Variants in PRKN observed in about 807,000 individuals in gnomAD.
PRKN encodes E3 ubiquitin-protein ligase parkin.
A neutral mutation model predicts 59.5 loss-of-function variants in PRKN; 56 were observed. The observed-to-expected ratio is 0.94, with a 90% CI of 0.76 to 1.18. PRKN has a LOEUF of 1.18. PRKN is among the 50% of genes most tolerant of loss of function. The pLI is 0.00. For synonymous variants in PRKN, 250 were observed against 222.1 expected (o/e 1.13, Z -1.12); for missense variants, 657 against 596.4 (o/e 1.10, Z -1.06).
intron 2 of PRKN, among the ~76,000 whole-genome samples, chr6:162,366,116 T>G (rs1785424801): frequency 1.3e-5 from 2 of 152,210 alleles, no homozygotes; most frequent in Admixed American, 1.3e-4. Context: ...GCAACGGCCC[T>G]TTTCCCACAA....
At chr6:161,882,863 G>A (rs2128229974) in intron 6 of PRKN, among the ~76,000 whole-genome samples, 1 of 151,862 alleles carries the variant, frequency 6.6e-6, no homozygotes, top group Non-Finnish European at 1.5e-5. Flanking sequence ...AAATTAGCTG[G>A]GTGTGGTGGC....
At chr6:162,041,590 T>C (rs1784070305) in intron 5 of PRKN, among the ~76,000 whole-genome samples, 6 of 152,240 alleles carry the variant, frequency 3.9e-5, no homozygotes, top group Admixed American at 3.9e-4. Context: ...TGCTTTGTTT[T>C]TTGAGGTCCA....
At chr6:162,207,358 C>T (rs551320155) in intron 3 of PRKN, among the ~76,000 whole-genome samples, 34 of 152,028 alleles carry the variant, frequency 2.2e-4, no homozygotes, top group Admixed American at 1.7e-3. Flanking sequence ...GGTGACAGAG[C>T]GAGACTCTGT....
intron 4 of PRKN, among the ~76,000 whole-genome samples, chr6:162,149,123 C>A (rs955791238): frequency 6.6e-5 from 10 of 152,152 alleles, no homozygotes; most frequent in African/African-American, 2.4e-4. Flanking sequence ...TAGGACAATT[C>A]ATTGTTACTT....
chr6:162,183,570 T>C (rs1783892033), intron 4 of PRKN, among the ~76,000 whole-genome samples: 1 of 152,138 alleles, frequency 6.6e-6, no homozygotes, highest in Admixed American at 6.5e-5. Flanking sequence ...ATCAAAGATT[T>C]GTGGTTCCAA....
At chr6:161,662,952 T>G (rs1354585130) in intron 7 of PRKN, among the ~76,000 whole-genome samples, 1 of 152,212 alleles carries the variant, frequency 6.6e-6, no homozygotes, top group African/African-American at 2.4e-5. Context: ...CCACATGTCG[T>G]GGAAGAAATC....
rs1388814964 is a variant in PRKN at position 161,407,705 on chromosome 6, C to A, written c.1084-20828G>T. ...GCAGGAGCCAAGAAGTCTGAAGCAG[C>A]CAAAGAAAAACCACAAAAGAAGTGA... On this transcript the variant is annotated intron_variant, in intron 9 of 11. Transcript: ENST00000366898. The surrounding 1 kb of genome is among the most constrained non-coding windows in gnomAD (Gnocchi z 4.9). Among the ~76,000 whole-genome samples the A allele has an allele frequency of 6.6e-6, 1 of 152,190 alleles. No homozygotes were observed. Among genetic ancestry groups the A allele is most frequent in the Non-Finnish European group, 1.5e-5 (1 of 68,010 alleles).
chr6:161,928,386 A>G (rs1779044257), intron 6 of PRKN, among the ~76,000 whole-genome samples: 1 of 152,222 alleles, frequency 6.6e-6, no homozygotes, highest in Non-Finnish European at 1.5e-5. Context: ...TGAAAGACAA[A>G]TCATACTCGA....
chr6:162,155,797 T>C (rs372211938), intron 4 of PRKN, among the ~76,000 whole-genome samples: 1 of 29,930 alleles, frequency 3.3e-5, no homozygotes, highest in African/African-American at 6.1e-5. Context: ...AAACTTTCAG[T>C]TAAGAAAAAA....
chr6:161,570,836 T>C (rs1045804037), intron 7 of PRKN, among the ~76,000 whole-genome samples: 2 of 152,204 alleles, frequency 1.3e-5, no homozygotes, highest in Non-Finnish European at 2.9e-5. Context: ...GGCCCAAATG[T>C]ATAGATATGT....
rs547022146 is a variant in PRKN at position 162,583,313 on chromosome 6, G to A, written c.8-139840C>T. On this transcript the variant is annotated intron_variant, in intron 1 of 11. Transcript: ENST00000366898. The stretch of plus-strand genomic sequence containing the variant: ...TGCACTAAGACAATGACCATTCTAT[G>A]TGGCAAAGGCTAGAAAGAGGTATAG... Among the ~76,000 whole-genome samples, 4 of 152,348 alleles carry A rather than the reference G, an allele frequency of 2.6e-5. No individual in the cohort carries two copies. The East Asian group carries it at 5.8e-4, about 22-fold the overall frequency.
chr6:161,761,303 C>G (rs975347213), intron 7 of PRKN, among the ~76,000 whole-genome samples: 1 of 151,762 alleles, frequency 6.6e-6, no homozygotes, highest in Non-Finnish European at 1.5e-5. Flanking sequence ...GCACTGTGGC[C>G]GAGCTACGGT....
rs1794860055 is a variant in PRKN at position 161,879,652 on chromosome 6, G to C, written c.734+93650C>G. 2.6e-5 allele frequency among the ~76,000 whole-genome samples: 4 copies of C among 152,120 alleles called. No individual in the cohort carries two copies. The South Asian group carries it at 8.3e-4, about 32-fold the overall frequency. Reference sequence around the variant, plus strand: ...TGAGCCACCATGCCCAGCCCATTATGATATTTCTATGAAATTGAAGGGAGT... The same window carrying C: ...TGAGCCACCATGCCCAGCCCATTATCATATTTCTATGAAATTGAAGGGAGT... On this transcript the variant is annotated intron_variant, in intron 6 of 11. Coordinates refer to ENST00000366898, the MANE Select transcript of PRKN (RefSeq NM_004562.3).
rs1376149902 is a variant in PRKN at position 161,446,389 on chromosome 6, A to C, written c.1084-59512T>G. Among the ~76,000 whole-genome samples, 1 of 151,958 alleles carries C rather than the reference A, an allele frequency of 6.6e-6. No homozygotes were observed. Among genetic ancestry groups the C allele is most frequent in the African/African-American group, 2.4e-5 (1 of 41,354 alleles). On this transcript the variant is annotated intron_variant, in intron 9 of 11. Coordinates refer to ENST00000366898, the MANE Select transcript of PRKN (RefSeq NM_004562.3). The surrounding 1 kb of genome is among the most constrained non-coding windows in gnomAD (Gnocchi z 6.2). The stretch of plus-strand genomic sequence containing the variant: ...CTGGGAGATGCCAGCAGACACTGAG[A>C]CCCAAAGGGGCCTGGCTTGGGACCT...
rs1368328113 is a variant in PRKN, at chr6:161,462,195, C to T, written c.1084-75318G>A. Among the ~76,000 whole-genome samples, 2 of 152,192 alleles carry T rather than the reference C, an allele frequency of 1.3e-5. No homozygotes were observed. The highest frequency in any genetic ancestry group is 4.8e-5 in the African/African-American group (2 of 41,448). ...CACAATATTAGCCTCTACTGTCTTC[C>T]AATATGACCAAAGTCTAGTCCATCT... On this transcript the variant is annotated intron_variant, in intron 9 of 11. Transcript: ENST00000366898. The surrounding 1 kb of genome is among the most constrained non-coding windows in gnomAD (Gnocchi z 4.5).
chr6:161,774,382 G>GCC (rs71709903), intron 7 of PRKN, among the ~76,000 whole-genome samples: 2 of 130,934 alleles, frequency 1.5e-5, no homozygotes, highest in Non-Finnish European at 3.2e-5. Context: ...TACTCCCTGA[G>GCC]CACACACACA....
intron 2 of PRKN, among the ~76,000 whole-genome samples, chr6:162,286,129 A>G (rs1467694399): frequency 6.6e-6 from 1 of 152,184 alleles, no homozygotes; most frequent in Non-Finnish European, 1.5e-5. Context: ...ATGATATCAG[A>G]TACAACAGCT....
intron 1 of PRKN, among the ~76,000 whole-genome samples, chr6:162,516,209 C>T (rs1240933221): frequency 6.6e-6 from 1 of 152,178 alleles, no homozygotes; most frequent in Non-Finnish European, 1.5e-5. Flanking sequence ...TGTAATCTTG[C>T]ATGAAAGTTC....
intron 10 of PRKN, among the ~76,000 whole-genome samples, chr6:161,382,681 T>C (rs960992817): frequency 2.0e-5 from 3 of 152,194 alleles, no homozygotes; most frequent in Non-Finnish European, 2.9e-5. Flanking sequence ...CTGTGATGGA[T>C]TGATCTTCTG....
Sources: gnomAD v4.1 joint callset for allele counts (sites outside exome capture counted in the v4.1 genomes callset) on GRCh38, gnomAD v4.1.1 for gene constraint, Gnocchi (gnomAD v3.1) non-coding constraint, MANE v1.5 for transcripts, NCBI Gene and HGNC (gene_info 2026-07-23, HGNC 2026-07-21) for gene names.